The following SPDYE3 variants were observed in gnomAD, a reference collection of about 807,000 sequenced individuals.
SPDYE3 encodes speedy protein E3.
A neutral mutation model predicts 55.0 loss-of-function variants in SPDYE3; 15 were observed. The ratio of observed to expected loss-of-function variants is 0.27; its 90% CI spans 0.18 to 0.42. The LOEUF (loss-of-function observed/expected upper bound fraction) is 0.42. SPDYE3 is among the 10% of genes least tolerant of loss of function. The pLI, the probability that SPDYE3 is intolerant of heterozygous loss-of-function variation, is 1.00. For synonymous variants in SPDYE3, 89 were observed against 229.9 expected (o/e 0.39, Z 5.55); for missense variants, 236 against 576.7 (o/e 0.41, Z 6.05).
At chr7:100,318,778 T>G (rs1585000988) in intron 8 of SPDYE3, among the ~76,000 whole-genome samples, 1 of 150,030 alleles carries the variant, frequency 6.7e-6, no homozygotes, top group East Asian at 1.9e-4. Context: ...TGGAGTGCAG[T>G]GGTGAGATCA....
intron 1 of SPDYE3, among the ~76,000 whole-genome samples, chr7:100,308,309 T>C (rs1243466918): frequency 8.2e-6 from 1 of 122,384 alleles, no homozygotes; most frequent in South Asian, 2.5e-4. Context: ...CCAGTCTGGG[T>C]GAGAGAGTGA....
chr7:100,318,725 CTTTT>C (rs71126316), intron 8 of SPDYE3, among the ~76,000 whole-genome samples: 4 of 106,964 alleles, frequency 3.7e-5, no homozygotes, highest in Non-Finnish European at 5.8e-5. Context: ...TATTCAATTG[CTTTT>C]TTTTTTTTTT....
chr7:100,317,351 AT>A (rs1232594634), intron 8 of SPDYE3, among the ~76,000 whole-genome samples, 196 bp downstream of exon 8: 5 of 152,208 alleles, frequency 3.3e-5, no homozygotes, highest in Admixed American at 3.3e-4. Context: ...CAGGCCTGTA[AT>A]CCCAGCACTT....
chr7:100,316,081 C>T (rs970602374), intron 7 of SPDYE3, among the ~76,000 whole-genome samples: 1 of 152,140 alleles, frequency 6.6e-6, no homozygotes, highest in African/African-American at 2.4e-5. Flanking sequence ...AAGCGATTCT[C>T]CTGCCTCAGC....
chr7:100,319,875 G>A, intron 9 of SPDYE3, 56 bp from the exon 10 acceptor site: 1 of 1,613,508 alleles, frequency 6.2e-7, no homozygotes, highest in Non-Finnish European at 8.5e-7. Flanking sequence ...TGGACGAGGG[G>A]AGAGAGGGGT....
chr7:100,317,877 G>A (rs1806144443), intron 8 of SPDYE3, among the ~76,000 whole-genome samples: 1 of 149,646 alleles, frequency 6.7e-6, no homozygotes, highest in South Asian at 2.1e-4. Context: ...TCGGGAGGCT[G>A]AGGGAGGAGA....
At chr7:100,318,924 T>TTATTTATC (rs1476529574) in intron 8 of SPDYE3, among the ~76,000 whole-genome samples, 69 of 148,162 alleles carry the variant, frequency 4.7e-4, no homozygotes, top group African/African-American at 1.4e-3. Context: ...ATTTATTTAT[T>TTATTTATC]TATCAAGACA....
rs768563857 is a variant in SPDYE3, at chr7:100,307,922, A to C, written c.37A>C (p.Ser13Arg). ...TCAACCGCAGCCCCAGGAAGAGCAG[A>C]GCCCCCAGCGGAGCACCTCAGGGTA... ...SHQPQPQEEQ[S>R]PQRSTSGYPL... The change falls in exon 1 of 11, where the codon AGC becomes CGC. Residue 13 changes from serine (S) to arginine (R), a missense_variant. Physicochemically the swap from Ser to Arg is moderately radical, Grantham distance 110. Coordinates refer to ENST00000332397, the MANE Select transcript of SPDYE3 (RefSeq NM_001004351.5). 7.6e-6 allele frequency: 12 copies of C among 1,585,894 alleles called. No homozygotes were observed. In the African/African-American group the frequency reaches 1.3e-4, roughly 18 times the overall value.
chr7:100,309,661 C>T (rs1805912819), intron 2 of SPDYE3, among the ~76,000 whole-genome samples: 1 of 118,166 alleles, frequency 8.5e-6, no homozygotes, highest in Admixed American at 9.0e-5. Flanking sequence ...GAAGAGGGTG[C>T]AGTGAGCCGA....
In SPDYE3 at chr7:100,320,883, A is replaced by G. The variant is rs1197531069; in HGVS notation, c.*46-8A>G. The G allele has an allele frequency of 3.3e-6, 4 of 1,223,116 alleles. No homozygotes were observed. Among genetic ancestry groups the G allele is most frequent in the Non-Finnish European group, 4.4e-6 (4 of 908,898 alleles). The allele number at this position is 1,223,116 out of a possible 1,614,324, so 75.8% of individuals were successfully genotyped here. On this transcript the variant is annotated splice_region_variant and splice_polypyrimidine_tract_variant and intron_variant, in intron 10 of 10. Transcript: ENST00000332397. ...CTTGAGGTGTGACATTGTCTCTCTC[A>G]CTTCCAGAACACCGGACCCAGGGGA...
At chr7:100,319,881 G>A (rs1563095401) in intron 9 of SPDYE3, 50 bp from the exon 10 acceptor site, 7 of 1,613,328 alleles carry the variant, frequency 4.3e-6, no homozygotes, top group Non-Finnish European at 4.2e-6. Flanking sequence ...AGGGGAGAGA[G>A]GGGTATCCTG....
At chr7:100,312,483 T>G (rs1584997528) in intron 4 of SPDYE3, among the ~76,000 whole-genome samples, 5 of 96,510 alleles carry the variant, frequency 5.2e-5, no homozygotes, top group Admixed American at 1.2e-4. Context: ...GGTGAGAGAG[T>G]GAGACGCTGT....
Position 100,315,766 on chromosome 7 carries a change from A to G in SPDYE3, c.1202-19A>G. ...ACCCTGTCCTGCTTCTCACGCTGACATCTGCTCTCTAATCACAGAGGATCC... is the reference window on the plus strand; with the variant it reads ...ACCCTGTCCTGCTTCTCACGCTGACGTCTGCTCTCTAATCACAGAGGATCC... On this transcript the variant is annotated intron_variant, in intron 6 of 10. Coordinates refer to ENST00000332397, the MANE Select transcript of SPDYE3 (RefSeq NM_001004351.5). The G allele has an allele frequency of 6.3e-7, 1 of 1,598,356 alleles. No homozygotes were observed. The highest frequency in any genetic ancestry group is 8.5e-7 in the Non-Finnish European group (1 of 1,179,702).
At chr7:100,319,422 C>T (rs1211934246) in intron 8 of SPDYE3, 143 bp from the exon 9 acceptor site, 4 of 1,443,476 alleles carry the variant, frequency 2.8e-6, no homozygotes, top group Admixed American at 4.5e-5. Flanking sequence ...GCAGAGCCCT[C>T]CTGAGGAAGG....
In SPDYE3 at chr7:100,321,728, A is replaced by C. The variant is rs759724221; in HGVS notation, c.*883A>C. Reference sequence around the variant, plus strand: ...TTGTGATTTTTAACATGTCTTAGATATATATACTAACATGTCTAATATATA... The same window carrying C: ...TTGTGATTTTTAACATGTCTTAGATCTATATACTAACATGTCTAATATATA... On this transcript the variant is annotated 3_prime_UTR_variant, in exon 11 of 11. Coordinates refer to ENST00000332397, the MANE Select transcript of SPDYE3 (RefSeq NM_001004351.5). The C allele has an allele frequency of 6.6e-6, 1 of 150,784 alleles. No individual in the cohort carries two copies. The highest frequency in any genetic ancestry group is 1.5e-5 in the Non-Finnish European group (1 of 67,760). The allele number at this position is 150,784 out of a possible 1,614,324, so 9.3% of individuals were successfully genotyped here.
rs1455604765 is a variant in SPDYE3 at position 100,321,968 on chromosome 7, G to A, written c.*1123G>A. 1.3e-5 allele frequency: 2 copies of A among 150,316 alleles called. No individual in the cohort carries two copies. The highest frequency in any genetic ancestry group is 1.9e-4 in the East Asian group (1 of 5,174). 9.3% of individuals were successfully genotyped at this position (150,316 alleles called of 1,614,324 possible). A position where few individuals can be genotyped will look rare whatever the true frequency, so the allele number is the denominator to read the frequency against. On this transcript the variant is annotated 3_prime_UTR_variant, in exon 11 of 11. Transcript: ENST00000332397. The stretch of plus-strand genomic sequence containing the variant: ...GCTGTTTCTATAAAGCTGTGTGATG[G>A]GTATTATAACTGTTATATACACATA...
chr7:100,307,718 C>T lies in SPDYE3; in HGVS notation c.-168C>T. On this transcript the variant is annotated 5_prime_UTR_variant, in exon 1 of 11. Transcript: ENST00000332397. ...AGGACCGGACTCTGTCGGCGCCTGG[C>T]AGTTCAGGTGAACAACAGTAACTTC... is the stretch of plus-strand genomic sequence containing the variant. 1.4e-6 allele frequency: 2 copies of T among 1,388,830 alleles called. No individual in the cohort carries two copies. The highest frequency in any genetic ancestry group is 1.9e-6 in the Non-Finnish European group (2 of 1,056,666). 86.0% of individuals were successfully genotyped at this position (1,388,830 alleles called of 1,614,324 possible).
chr7:100,318,173 T>C (rs1806155703), intron 8 of SPDYE3, among the ~76,000 whole-genome samples: 1 of 152,034 alleles, frequency 6.6e-6, no homozygotes, highest in Non-Finnish European at 1.5e-5. Context: ...GAGGTCACAG[T>C]CCAGGTCCCC....
chr7:100,320,456 T>C, intron 10 of SPDYE3: 1 of 1,013,170 alleles, frequency 9.9e-7, no homozygotes, highest in Non-Finnish European at 1.2e-6. Context: ...GCATGAGACT[T>C]CGTCATGAGG....
Sources: gnomAD v4.1 joint callset for allele counts (sites outside exome capture counted in the v4.1 genomes callset) on GRCh38, gnomAD v4.1.1 for gene constraint, MANE v1.5 for transcripts, NCBI Gene and HGNC (gene_info 2026-07-23, HGNC 2026-07-21) for gene names.